The following NR2C2 variants were observed in gnomAD, a reference collection of about 807,000 sequenced individuals.
The protein encoded by NR2C2 is nuclear receptor subfamily 2 group C member 2.
A neutral mutation model predicts 62.9 loss-of-function variants in NR2C2; 6 were observed. That is an observed-to-expected ratio of 0.10 (90% confidence interval 0.05 to 0.19). The LOEUF is 0.19. Ranked by LOEUF, NR2C2 falls within the 10% of genes least tolerant of loss-of-function variation. NR2C2 has a pLI of 1.00. For synonymous variants in NR2C2, 272 were observed against 273.8 expected (o/e 0.99, Z 0.07); for missense variants, 479 against 762.7 (o/e 0.63, Z 4.38).
chr3:14,974,152 A>G (rs1391080611), intron 1 of NR2C2, among the ~76,000 whole-genome samples: 1 of 152,268 alleles, frequency 6.6e-6, no homozygotes, highest in East Asian at 1.9e-4. Context: ...GAATTTGACT[A>G]TTGATAACTA....
chr3:15,023,407 G>A, intron 6 of NR2C2, 60 bp downstream of exon 6: 1 of 1,584,950 alleles, frequency 6.3e-7, no homozygotes, highest in Non-Finnish European at 8.6e-7. Context: ...GCACAGACGT[G>A]TCCCACAGCA....
intron 1 of NR2C2, among the ~76,000 whole-genome samples, chr3:15,002,578 C>T (rs1310865805): frequency 1.3e-5 from 2 of 149,832 alleles, no homozygotes; most frequent in Non-Finnish European, 3.0e-5. Context: ...TAATATTGGC[C>T]TCACAGAATT....
At position 15,032,964 on chromosome 3, in the gene NR2C2, AC is replaced by A. The variant is rs61144575; in HGVS notation, c.1232+474del. Among the ~76,000 whole-genome samples, 681 of 134,592 alleles carry A rather than the reference AC, an allele frequency of 5.1e-3. 5 individuals are homozygous for A. Among genetic ancestry groups the A allele is most frequent in the East Asian group, 4.9e-3 (22 of 4,480 alleles). 88.3% of individuals were successfully genotyped at this position (134,592 alleles called of 152,430 possible). ...GAACCTGGTGTCATCTCTACAGGAA[AC>A]CCCCCCCCCTTTTCTTGCTTTCTTG... On this transcript the variant is annotated intron_variant, in intron 10 of 13. Transcript: ENST00000425241.
intron 1 of NR2C2, among the ~76,000 whole-genome samples, chr3:15,001,318 G>GTTTTTTTTTTTTTT (rs61017075): frequency 8.2e-5 from 8 of 97,508 alleles, no homozygotes; most frequent in East Asian, 3.1e-4. Flanking sequence ...TTTGTTTTGG[G>GTTTTTTTTTTTTTT]TTTTTTTTTT....
intron 7 of NR2C2, chr3:15,026,144 G>C (rs1012016096): frequency 6.6e-6 from 1 of 151,902 alleles, no homozygotes; most frequent in Non-Finnish European, 1.5e-5. Context: ...TCAGCCTTCC[G>C]AGTAGCTGGG....
chr3:15,029,196 C>T (rs1239715385), intron 8 of NR2C2, among the ~76,000 whole-genome samples: 1 of 151,628 alleles, frequency 6.6e-6, no homozygotes, highest in Non-Finnish European at 1.5e-5. Flanking sequence ...CTTCCCGCCT[C>T]AGCATCCCAA....
Position 15,005,507 on chromosome 3 carries a change from G to A in NR2C2, c.72+1521G>A, listed in dbSNP as rs191266324. On this transcript the variant is annotated intron_variant, in intron 2 of 13. Transcript: ENST00000425241. ...GCTGGGACTACAGGTGTGAGCCAGC[G>A]TGCGTGGCCAACTTTTTTTTTTTTT... Among the ~76,000 whole-genome samples, 277 of 138,420 alleles carry A rather than the reference G, an allele frequency of 2.0e-3. 1 individual carries two copies. The highest frequency in any genetic ancestry group is 7.1e-3 in the African/African-American group (256 of 35,916). The allele number at this position is 138,420 out of a possible 152,430, so 90.8% of individuals were successfully genotyped here. A position where few individuals can be genotyped will look rare whatever the true frequency, so the allele number is the denominator to read the frequency against.
chr3:15,000,790 A>G (rs2124909572), intron 1 of NR2C2, among the ~76,000 whole-genome samples: 1 of 151,554 alleles, frequency 6.6e-6, no homozygotes. Flanking sequence ...ATATTAAGTC[A>G]CAAATGTCTT....
chr3:15,025,663 G>A (rs1169726340), intron 7 of NR2C2: 1 of 152,274 alleles, frequency 6.6e-6, no homozygotes, highest in East Asian at 1.9e-4. Flanking sequence ...TTACTATGAA[G>A]GAAGTACAGT....
chr3:15,021,013 C>T, intron 5 of NR2C2, 81 bp downstream of exon 5: 1 of 1,365,426 alleles, frequency 7.3e-7, no homozygotes, highest in Non-Finnish European at 1.0e-6. Flanking sequence ...GTTTCTATAC[C>T]TGGCCTTAAA....
chr3:14,965,651 T>C (rs956752608), intron 1 of NR2C2, among the ~76,000 whole-genome samples: 22 of 151,600 alleles, frequency 1.5e-4, no homozygotes, highest in African/African-American at 5.1e-4. Flanking sequence ...TTTTTTTTGT[T>C]TGTTTGTTTT....
At chr3:15,003,284 C>T (rs1363624424) in intron 1 of NR2C2, among the ~76,000 whole-genome samples, 4 of 152,056 alleles carry the variant, frequency 2.6e-5, no homozygotes, top group Non-Finnish European at 5.9e-5. Context: ...AATATATCTG[C>T]CTGCTTCAGA....
chr3:14,954,257 T>A (rs1410123299), intron 1 of NR2C2, among the ~76,000 whole-genome samples: 3 of 152,136 alleles, frequency 2.0e-5, no homozygotes, highest in African/African-American at 7.2e-5. Context: ...TTTAATATAA[T>A]ACAGATTTTT....
intron 1 of NR2C2, among the ~76,000 whole-genome samples, chr3:14,984,553 C>A (rs2040462157): frequency 6.6e-6 from 1 of 151,962 alleles, no homozygotes; most frequent in Non-Finnish European, 1.5e-5. Context: ...TTAAAGAAAT[C>A]ATGTGTCCAC....
Position 15,020,743 on chromosome 3 carries a change from C to T in NR2C2, c.377-10C>T, listed in dbSNP as rs1222321438. 6.2e-6 allele frequency: 10 copies of T among 1,611,842 alleles called. No homozygotes were observed. The highest frequency in any genetic ancestry group is 1.1e-5 in the South Asian group (1 of 90,968). On this transcript the variant is annotated splice_polypyrimidine_tract_variant and intron_variant, in intron 4 of 13. Transcript: ENST00000425241. Reference sequence around the variant, plus strand: ...CACAAAATATTTGTGTATTCTTTCTCCTGTTTCAGGCCGTCACTATGGGGC... The same window carrying T: ...CACAAAATATTTGTGTATTCTTTCTTCTGTTTCAGGCCGTCACTATGGGGC...
At chr3:14,969,278 CTG>C (rs982352747) in intron 1 of NR2C2, among the ~76,000 whole-genome samples, 22 of 138,100 alleles carry the variant, frequency 1.6e-4, no homozygotes, top group Non-Finnish European at 2.7e-4. Context: ...CAGAGTCTCA[CTG>C]TGTCACCCAG....
At chr3:14,952,259 T>C (rs2039387751) in intron 1 of NR2C2, among the ~76,000 whole-genome samples, 1 of 152,210 alleles carries the variant, frequency 6.6e-6, no homozygotes, top group Admixed American at 6.5e-5. Flanking sequence ...CTGAATGACT[T>C]TGAGAACAAG....
At chr3:14,986,971 A>G (rs17040623) in intron 1 of NR2C2, among the ~76,000 whole-genome samples, 9,304 of 152,306 alleles carry the variant, frequency 0.061, 358 homozygotes, top group East Asian at 0.13. Context: ...TTTAGTAGCA[A>G]TTAATAGGCA....
intron 1 of NR2C2, among the ~76,000 whole-genome samples, chr3:14,952,916 C>G (rs1170993372): frequency 1.3e-5 from 2 of 152,202 alleles, no homozygotes; most frequent in Non-Finnish European, 2.9e-5. Context: ...AACAGCTCAA[C>G]TAGCACAGCT....
Sources: allele counts gnomAD v4.1 joint callset (sites outside exome capture counted in the v4.1 genomes callset), GRCh38; gene constraint gnomAD v4.1.1; transcripts MANE v1.5; gene names NCBI Gene and HGNC (gene_info 2026-07-23, HGNC 2026-07-21).